The following TRPC4 variants were observed in gnomAD, a reference collection of about 807,000 sequenced individuals.
TRPC4 encodes transient receptor potential cation channel subfamily C member 4.
In TRPC4, 49 loss-of-function variants were observed where a neutral mutation model predicts 99.4. The ratio of observed to expected loss-of-function variants is 0.49; its 90% CI spans 0.39 to 0.63. TRPC4 has a LOEUF of 0.63. Ranked by LOEUF, TRPC4 falls within the 20% of genes least tolerant of loss-of-function variation. The pLI, the probability that TRPC4 is intolerant of heterozygous loss-of-function variation, is 0.00. For missense variants in TRPC4, 898 were observed against 1,152.9 expected (o/e 0.78, Z 3.20); for synonymous variants, 454 against 425.9 (o/e 1.07, Z -0.81).
At chr13:37,848,023 C>T (rs1324639755) in intron 1 of TRPC4, among the ~76,000 whole-genome samples, 1 of 152,134 alleles carries the variant, frequency 6.6e-6, no homozygotes, top group East Asian at 1.9e-4. Flanking sequence ...AGATGGCCTA[C>T]AACTTACAAT....
intron 6 of TRPC4, among the ~76,000 whole-genome samples, chr13:37,659,931 C>T (rs1952372100): frequency 6.6e-6 from 1 of 152,026 alleles, no homozygotes; most frequent in Non-Finnish European, 1.5e-5. Context: ...GATAAATTCC[C>T]TTTGATTGAA....
intron 1 of TRPC4, among the ~76,000 whole-genome samples, chr13:37,831,967 A>G (rs1176366347): frequency 6.6e-6 from 1 of 152,150 alleles, no homozygotes; most frequent in Non-Finnish European, 1.5e-5. Context: ...ATAGTGATCT[A>G]TTGCATAACA....
At chr13:37,672,615 A>G (rs1216006852) in intron 5 of TRPC4, among the ~76,000 whole-genome samples, 1 of 152,232 alleles carries the variant, frequency 6.6e-6, no homozygotes, top group African/African-American at 2.4e-5. Context: ...ACAAAAAACT[A>G]CATATATTAC....
chr13:37,696,716 A>G (rs1205608280), intron 3 of TRPC4, among the ~76,000 whole-genome samples: 1 of 152,172 alleles, frequency 6.6e-6, no homozygotes, highest in Non-Finnish European at 1.5e-5. Flanking sequence ...AAGGACCACA[A>G]ATTCATATAC....
At chr13:37,857,029 T>C (rs1423002444) in intron 1 of TRPC4, among the ~76,000 whole-genome samples, 2 of 151,138 alleles carry the variant, frequency 1.3e-5, no homozygotes, top group Non-Finnish European at 3.0e-5. Flanking sequence ...ACATAGTACC[T>C]AAAGATTCCA....
chr13:37,781,612 C>T (rs1016053660), intron 2 of TRPC4, among the ~76,000 whole-genome samples: 2 of 151,992 alleles, frequency 1.3e-5, no homozygotes, highest in African/African-American at 4.8e-5. Context: ...ATACAAGAAA[C>T]AAGCAAATTT....
At chr13:37,651,567 T>C in intron 7 of TRPC4, 108 bp from the exon 8 acceptor site, 1 of 981,826 alleles carries the variant, frequency 1.0e-6, no homozygotes, top group Non-Finnish European at 1.5e-6. Flanking sequence ...GGAACATTAA[T>C]TAAATTGCTT....
At chr13:37,773,640 T>C (rs1471971685) in intron 2 of TRPC4, among the ~76,000 whole-genome samples, 1 of 151,796 alleles carries the variant, frequency 6.6e-6, no homozygotes, top group Non-Finnish European at 1.5e-5. Flanking sequence ...AGTCCACCTC[T>C]CTTTTTAAAA....
intron 7 of TRPC4, among the ~76,000 whole-genome samples, chr13:37,654,758 C>A (rs1432437164): frequency 6.6e-6 from 1 of 152,104 alleles, no homozygotes; most frequent in Non-Finnish European, 1.5e-5. Flanking sequence ...AATGGACCGA[C>A]AGGAGGCAAA....
intron 1 of TRPC4, among the ~76,000 whole-genome samples, chr13:37,820,189 C>A (rs1957973685): frequency 6.6e-6 from 1 of 151,790 alleles, no homozygotes; most frequent in African/African-American, 2.4e-5. Flanking sequence ...AACTAGAAAC[C>A]CTAGAAGAAA....
At chr13:37,732,905 C>T (rs1477702186) in intron 3 of TRPC4, among the ~76,000 whole-genome samples, 1 of 152,046 alleles carries the variant, frequency 6.6e-6, no homozygotes, top group African/African-American at 2.4e-5. Flanking sequence ...ACTACGGATT[C>T]AACTACCAAT....
chr13:37,680,736 T>C (rs1392870450), intron 4 of TRPC4, among the ~76,000 whole-genome samples: 1 of 152,204 alleles, frequency 6.6e-6, no homozygotes, highest in Non-Finnish European at 1.5e-5. Flanking sequence ...TGGATTACCC[T>C]GTGACATAGA....
chr13:37,857,819 A>G (rs976184476), intron 1 of TRPC4, among the ~76,000 whole-genome samples: 1 of 151,792 alleles, frequency 6.6e-6, no homozygotes, highest in African/African-American at 2.4e-5. Flanking sequence ...CCACTGCAAG[A>G]AAACTTTGGA....
In TRPC4 at chr13:37,859,564, G is replaced by C. The variant is rs113298060; in HGVS notation, c.-28+10031C>G. On this transcript the variant is annotated intron_variant, in intron 1 of 10. Coordinates refer to ENST00000379705, the MANE Select transcript of TRPC4 (RefSeq NM_016179.4). ...TGACTTTTCAACAGAAATGGTAGAAGTTGAAAGTCAATTTAACAGCATTTT... is the reference window on the plus strand; with the variant it reads ...TGACTTTTCAACAGAAATGGTAGAACTTGAAAGTCAATTTAACAGCATTTT... 2.9e-3 allele frequency among the ~76,000 whole-genome samples: 434 copies of C among 151,558 alleles called. 3 individuals carry two copies. The highest frequency in any genetic ancestry group is 9.8e-3 in the African/African-American group (405 of 41,512).
At chr13:37,672,030 G>A (rs1368860123) in intron 5 of TRPC4, among the ~76,000 whole-genome samples, 1 of 151,990 alleles carries the variant, frequency 6.6e-6, no homozygotes, top group African/African-American at 2.4e-5. Flanking sequence ...TCATCACTGG[G>A]GTGAGTGAGT....
intron 1 of TRPC4, among the ~76,000 whole-genome samples, chr13:37,829,747 T>C (rs1958359062): frequency 6.6e-6 from 1 of 152,138 alleles, no homozygotes; most frequent in African/African-American, 2.4e-5. Context: ...CAACATAAAG[T>C]CCATCAACAG....
intron 1 of TRPC4, among the ~76,000 whole-genome samples, chr13:37,862,261 T>A (rs975699036): frequency 1.3e-5 from 2 of 151,506 alleles, no homozygotes; most frequent in Non-Finnish European, 3.0e-5. Context: ...GCTTCATTGG[T>A]TCCATGTGGG....
chr13:37,661,345 A>C (rs1385906826), intron 6 of TRPC4, among the ~76,000 whole-genome samples: 1 of 152,224 alleles, frequency 6.6e-6, no homozygotes, highest in Non-Finnish European at 1.5e-5. Flanking sequence ...AGGGACAAAG[A>C]AATTCCTAGG....
chr13:37,733,049 G>A (rs761350184), intron 3 of TRPC4, among the ~76,000 whole-genome samples: 2 of 152,184 alleles, frequency 1.3e-5, no homozygotes, highest in Non-Finnish European at 2.9e-5. Flanking sequence ...AAGGTGGGTG[G>A]ATTGCTTGAG....
Sources: gnomAD v4.1 joint callset for allele counts (sites outside exome capture counted in the v4.1 genomes callset) on GRCh38, gnomAD v4.1.1 for gene constraint, MANE v1.5 for transcripts, NCBI Gene and HGNC (gene_info 2026-07-23, HGNC 2026-07-21) for gene names.